TRDN: variants seen among roughly 807,000 people sequenced by gnomAD.
The protein encoded by TRDN is triadin, also known as triadin in skeletal muscle.
In TRDN, 161 loss-of-function variants were observed where a neutral mutation model predicts 149.7. That is an observed-to-expected ratio of 1.08 (90% CI 0.95 to 1.23). The LOEUF (loss-of-function observed/expected upper bound fraction) is 1.23, where lower values mean the gene tolerates loss of function less well. Ranked by LOEUF, TRDN falls within the 50% of genes most tolerant of loss-of-function variation. The pLI is 0.00. For synonymous variants in TRDN, 294 were observed against 250.5 expected (o/e 1.17, Z -1.64); for missense variants, 896 against 823.5 (o/e 1.09, Z -1.08).
chr6:123,464,718 A>T (rs573614906), intron 10 of TRDN, 188 bp downstream of exon 10: 1 of 1,387,730 alleles, frequency 7.2e-7, no homozygotes, highest in Non-Finnish European at 9.3e-7. Flanking sequence ...TAGAATCTTA[A>T]GGGGACATTT....
intron 14 of TRDN, among the ~76,000 whole-genome samples, chr6:123,384,225 T>C (rs1221425154): frequency 6.6e-6 from 1 of 152,194 alleles, no homozygotes; most frequent in Non-Finnish European, 1.5e-5. Flanking sequence ...CCACTTCTAC[T>C]TGAAACATAA....
At chr6:123,440,713 A>G (rs1774828171) in intron 10 of TRDN, among the ~76,000 whole-genome samples, 1 of 152,206 alleles carries the variant, frequency 6.6e-6, no homozygotes, top group Non-Finnish European at 1.5e-5. Flanking sequence ...ATATTTCATT[A>G]AAAAGCTTGT....
chr6:123,546,886 A>G (rs1436147820), intron 4 of TRDN, among the ~76,000 whole-genome samples: 1 of 152,094 alleles, frequency 6.6e-6, no homozygotes, highest in Non-Finnish European at 1.5e-5. Context: ...CTAGGCTGTT[A>G]TGTCCCTCAC....
chr6:123,452,834 C>T (rs185585884), intron 10 of TRDN, among the ~76,000 whole-genome samples: 1 of 152,252 alleles, frequency 6.6e-6, no homozygotes, highest in Non-Finnish European at 1.5e-5. Context: ...ACGCATCACA[C>T]TACCTGATTT....
intron 10 of TRDN, among the ~76,000 whole-genome samples, chr6:123,447,272 C>G (rs1205831467): frequency 6.6e-6 from 1 of 152,174 alleles, no homozygotes; most frequent in Non-Finnish European, 1.5e-5. Flanking sequence ...CATAAATCAA[C>G]AAATGCTTAT....
chr6:123,304,259 T>C (rs1189428740), intron 24 of TRDN, among the ~76,000 whole-genome samples: 23 of 146,546 alleles, frequency 1.6e-4, no homozygotes, highest in Non-Finnish European at 2.4e-4. Context: ...TTTCTTTTTT[T>C]TTTTTTTTTT....
At chr6:123,446,937 C>T (rs543040270) in intron 10 of TRDN, among the ~76,000 whole-genome samples, 53 of 151,862 alleles carry the variant, frequency 3.5e-4, no homozygotes, top group Admixed American at 1.2e-3. Context: ...AAAATTTCCT[C>T]GGAATTTTAT....
intron 10 of TRDN, chr6:123,457,563 CT>C (rs71541231): frequency 0.18 from 77,343 of 434,210 alleles, 7,529 homozygotes; most frequent in South Asian, 0.28. Flanking sequence ...TTTCATTTTC[CT>C]TTTTTTTTCT....
Position 123,623,319 on chromosome 6 carries a change from TA to T in TRDN, c.22+13434del, listed in dbSNP as rs560079603. On this transcript the variant is annotated intron_variant, in intron 1 of 40. Coordinates refer to ENST00000334268, the MANE Select transcript of TRDN (RefSeq NM_006073.4). The stretch of plus-strand genomic sequence containing the variant: ...CTTATATATAAAATTGAAAGATAAC[TA>T]AGCTTAGAGTTTCTCATAGTTGAGG... 3.9e-5 allele frequency among the ~76,000 whole-genome samples: 6 copies of T among 152,230 alleles called. No individual in the cohort carries two copies. The South Asian group carries it at 1.0e-3, about 26-fold the overall frequency.
intron 9 of TRDN, among the ~76,000 whole-genome samples, chr6:123,487,984 T>A (rs1401564914): frequency 6.6e-6 from 1 of 152,164 alleles, no homozygotes; most frequent in Non-Finnish European, 1.5e-5. Context: ...TATTTATTTT[T>A]TCTCTTTTAA....
intron 34 of TRDN, among the ~76,000 whole-genome samples, chr6:123,260,235 C>A (rs932805511): frequency 1.3e-5 from 2 of 151,958 alleles, no homozygotes; most frequent in African/African-American, 4.8e-5. Context: ...ATTTGCCTGG[C>A]ATGATGGATT....
chr6:123,604,487 G>C lies in TRDN; in HGVS notation c.22+32267C>G, dbSNP rs1025252402. On this transcript the variant is annotated intron_variant, in intron 1 of 40. Transcript: ENST00000334268. ...GACTTCATAACAAACAACACAGCAA[G>C]CCAGAGCTAAATATTACAGAAGGAT... 3.2e-4 allele frequency among the ~76,000 whole-genome samples: 48 copies of C among 152,290 alleles called. 1 individual carries two copies. The highest frequency in any genetic ancestry group is 1.2e-3 in the African/African-American group (48 of 41,576).
At chr6:123,590,068 A>T in intron 1 of TRDN, among the ~76,000 whole-genome samples, 1 of 152,236 alleles carries the variant, frequency 6.6e-6, no homozygotes, top group East Asian at 1.9e-4. Flanking sequence ...ATGTATGTGT[A>T]TATGACTAGA....
At chr6:123,495,470 G>C (rs1778408563) in intron 9 of TRDN, among the ~76,000 whole-genome samples, 2 of 151,030 alleles carry the variant, frequency 1.3e-5, no homozygotes, top group African/African-American at 2.4e-5. Context: ...AGTGAGCCGA[G>C]ATCACACCAT....
In TRDN at chr6:123,636,741, A is replaced by C; in HGVS notation, c.22+13T>G. On this transcript the variant is annotated intron_variant, in intron 1 of 40. Transcript: ENST00000334268. ...TTTCCTTACTTGATACTATCGGAAA[A>C]TGGTAGCAATACCTTCAGCAGTGAT... is the stretch of plus-strand genomic sequence containing the variant. 6.2e-7 allele frequency: 1 copy of C among 1,611,424 alleles called. No individual in the cohort carries two copies. Among genetic ancestry groups the C allele is most frequent in the South Asian group, 1.1e-5 (1 of 91,006 alleles).
At chr6:123,560,776 C>G (rs1250817526) in intron 2 of TRDN, among the ~76,000 whole-genome samples, 1 of 152,182 alleles carries the variant, frequency 6.6e-6, no homozygotes, top group Non-Finnish European at 1.5e-5. Context: ...GAAAATATCC[C>G]CTTCCAGCCT....
chr6:123,508,655 C>T (rs1325118679), intron 7 of TRDN, among the ~76,000 whole-genome samples: 5 of 152,074 alleles, frequency 3.3e-5, no homozygotes, highest in Admixed American at 2.6e-4. Flanking sequence ...GATATGGGGT[C>T]CTACATATGT....
chr6:123,509,635 G>A (rs1410409190), intron 7 of TRDN: 2 of 152,112 alleles, frequency 1.3e-5, no homozygotes, highest in Non-Finnish European at 2.9e-5. Flanking sequence ...TGAAGTCCTA[G>A]TTAACACTTT....
intron 12 of TRDN, among the ~76,000 whole-genome samples, chr6:123,416,020 G>A (rs1044482613): frequency 3.9e-5 from 6 of 152,090 alleles, no homozygotes; most frequent in African/African-American, 7.2e-5. Context: ...GATGGAGTAT[G>A]ACGTTCACAA....
Sources: allele counts gnomAD v4.1 joint callset (sites outside exome capture counted in the v4.1 genomes callset), GRCh38; gene constraint gnomAD v4.1.1; transcripts MANE v1.5; gene names NCBI Gene and HGNC (gene_info 2026-07-23, HGNC 2026-07-21).